IL6ST: variants seen among roughly 807,000 people sequenced by gnomAD.
IL6ST encodes interleukin-6 receptor subunit beta.
A neutral mutation model predicts 91.3 loss-of-function variants in IL6ST; 24 were observed. The ratio of observed to expected loss-of-function variants is 0.26; its 90% CI spans 0.19 to 0.37. The LOEUF is 0.37. Among genes scored for constraint, IL6ST ranks in the 10% least tolerant of loss-of-function variants. The pLI, the probability that IL6ST is intolerant of heterozygous loss-of-function variation, is 1.00. For missense variants in IL6ST, 914 were observed against 1,078.5 expected (o/e 0.85, Z 2.14); for synonymous variants, 351 against 373.6 (o/e 0.94, Z 0.70).
intron 8 of IL6ST, 78 bp from the exon 9 acceptor site, chr5:55,957,369 T>A: frequency 8.3e-6 from 6 of 720,454 alleles, no homozygotes; most frequent in Middle Eastern, 3.4e-4. Flanking sequence ...TTCTTTTACT[T>A]TGTTCTTAAT....
chr5:55,993,837 G>T (rs558481248), intron 1 of IL6ST, among the ~76,000 whole-genome samples: 8 of 152,116 alleles, frequency 5.3e-5, no homozygotes, highest in Admixed American at 1.3e-4. Flanking sequence ...CTAAACTGAT[G>T]ATCTGAGTCC....
intron 2 of IL6ST, among the ~76,000 whole-genome samples, chr5:55,977,782 T>C (rs572393271): frequency 3.3e-5 from 5 of 152,084 alleles, no homozygotes; most frequent in East Asian, 1.9e-4. Flanking sequence ...GCCCAGATCA[T>C]GCCACTGGAC....
At chr5:55,984,154 A>G (rs1215923848) in intron 1 of IL6ST, among the ~76,000 whole-genome samples, 1 of 152,256 alleles carries the variant, frequency 6.6e-6, no homozygotes, top group Non-Finnish European at 1.5e-5. Context: ...GTGCAAAAGC[A>G]GCCATACACA....
intron 5 of IL6ST, among the ~76,000 whole-genome samples, chr5:55,966,115 C>A (rs1402269035): frequency 6.6e-6 from 1 of 152,070 alleles, no homozygotes; most frequent in Non-Finnish European, 1.5e-5. Flanking sequence ...AAACAAAACA[C>A]AGAATACCAT....
At position 55,937,708 on chromosome 5, in the gene IL6ST, C is replaced by T. The variant is rs1750625546; in HGVS notation, c.*3374G>A. 5.2e-6 allele frequency: 1 copy of T among 192,246 alleles called. No homozygotes were observed. The highest frequency in any genetic ancestry group is 8.1e-5 in the East Asian group (1 of 12,368). 11.9% of individuals were successfully genotyped at this position (192,246 alleles called of 1,614,324 possible). ...ATCAGCACAATATAATCTAACAATA[C>T]CTGTAATAGAAAGCTATCCCAGTAA... is the stretch of plus-strand genomic sequence containing the variant. On this transcript the variant is annotated 3_prime_UTR_variant, in exon 17 of 17. Coordinates refer to ENST00000381298, the MANE Select transcript of IL6ST (RefSeq NM_002184.4).
At chr5:55,953,704 A>G (rs910035751) in intron 11 of IL6ST, among the ~76,000 whole-genome samples, 2 of 152,122 alleles carry the variant, frequency 1.3e-5, no homozygotes, top group Admixed American at 1.3e-4. Context: ...AAAAGTTTCT[A>G]TTGGCTCTGA....
At chr5:55,945,677 C>CA (rs1751204727) in intron 15 of IL6ST, among the ~76,000 whole-genome samples, 1 of 5,020 alleles carries the variant, frequency 2.0e-4, no homozygotes, top group Non-Finnish European at 1.1e-3. Context: ...TTTTTTTTTT[C>CA]AGACACTCTG....
chr5:55,952,606 A>T (rs1751704332), intron 11 of IL6ST, among the ~76,000 whole-genome samples: 1 of 152,192 alleles, frequency 6.6e-6, no homozygotes, highest in Non-Finnish European at 1.5e-5. Flanking sequence ...AGAATTTATA[A>T]AACAATGATC....
At chr5:55,987,992 G>A (rs769582037) in intron 1 of IL6ST, among the ~76,000 whole-genome samples, 99 of 152,204 alleles carry the variant, frequency 6.5e-4, no homozygotes, top group African/African-American at 2.2e-3. Context: ...TTAGCTGGTC[G>A]TGGTGGTGGG....
At chr5:55,994,496 G>C (rs1292414801) in intron 1 of IL6ST, among the ~76,000 whole-genome samples, 1 of 152,152 alleles carries the variant, frequency 6.6e-6, no homozygotes, top group Non-Finnish European at 1.5e-5. Flanking sequence ...AGGGGGGTTT[G>C]TTCTTGAAGG....
chr5:55,951,953 T>C lies in IL6ST; in HGVS notation c.1675A>G (p.Arg559Gly). Residue 559 changes from arginine to glycine, a missense_variant, in exon 13 of 17, where the codon AGA (arginine) becomes GGA (glycine). Transcript: ENST00000381298. Reference sequence around the variant, plus strand: ...CCAGTTTCATTTCCAATGATGGTTCTATAAAATATAGTATAATTTCTGATA... The same window carrying C: ...CCAGTTTCATTTCCAATGATGGTTCCATAAAATATAGTATAATTTCTGATA... ...GFIRNYTIFY[R>G]TIIGNETAVN... is the part of the protein sequence containing the mutation. 4.1e-6 allele frequency: 6 copies of C among 1,481,306 alleles called. No individual in the cohort carries two copies. The highest frequency in any genetic ancestry group is 5.6e-6 in the Non-Finnish European group (6 of 1,064,002). 91.8% of individuals were successfully genotyped at this position (1,481,306 alleles called of 1,614,324 possible). A position where few individuals can be genotyped will look rare whatever the true frequency, so the allele number is the denominator to read the frequency against.
intron 2 of IL6ST, 22 bp from the exon 3 acceptor site, chr5:55,976,315 T>C (rs769324411): frequency 2.1e-6 from 3 of 1,418,068 alleles, no homozygotes; most frequent in Non-Finnish European, 2.9e-6. Context: ...ACATGTAATA[T>C]TACTTTTAAT....
At chr5:55,982,541 CAATT>C (rs1317609508) in intron 2 of IL6ST, among the ~76,000 whole-genome samples, 179 bp downstream of exon 2, 2 of 152,034 alleles carry the variant, frequency 1.3e-5, no homozygotes, top group Non-Finnish European at 2.9e-5. Context: ...CCATTAGTAT[CAATT>C]ATGAGTTCAT....
At chr5:55,962,875 G>A (rs1279797065) in intron 7 of IL6ST, among the ~76,000 whole-genome samples, 2 of 152,088 alleles carry the variant, frequency 1.3e-5, no homozygotes, top group African/African-American at 4.8e-5. Context: ...AGCATTTTGG[G>A]AGGCCAAGGT....
At chr5:55,989,632 T>C (rs1452724880) in intron 1 of IL6ST, among the ~76,000 whole-genome samples, 1 of 152,214 alleles carries the variant, frequency 6.6e-6, no homozygotes, top group African/African-American at 2.4e-5. Context: ...CAAGCTTTTA[T>C]TCAATTTTTA....
chr5:55,961,786 C>G (rs1441448126), intron 7 of IL6ST, among the ~76,000 whole-genome samples: 1 of 151,932 alleles, frequency 6.6e-6, no homozygotes, highest in Non-Finnish European at 1.5e-5. Flanking sequence ...CAGCCAGTTC[C>G]TGGAAGGAAG....
Position 55,969,552 on chromosome 5 carries a change from C to A in IL6ST, c.368G>T (p.Gly123Val), listed in dbSNP as rs367755838. 2 of 1,602,054 alleles carry A rather than the reference C, an allele frequency of 1.2e-6. No homozygotes were observed. The highest frequency in any genetic ancestry group is 2.2e-5 in the East Asian group (1 of 44,636). Residue 123 changes from glycine (G) to valine (V), a missense_variant and splice_region_variant, in exon 4 of 17, where the codon GGC becomes GTC. Physicochemically the swap from Gly to Val is moderately radical, Grantham distance 109 (BLOSUM62 -3). Transcript: ENST00000381298. Reference protein sequence around the residue: ...QNVYGITIISGLPPEKPKNLS... With the variant: ...QNVYGITIISVLPPEKPKNLS... ...AATAAGACAAAAACAAAACTTACAG[C>A]CTGAAATTATTGTGATTCCATAAAC...
chr5:55,938,990 T>G lies in IL6ST; in HGVS notation c.*2092A>C. On this transcript the variant is annotated 3_prime_UTR_variant, in exon 17 of 17. Coordinates refer to ENST00000381298, the MANE Select transcript of IL6ST (RefSeq NM_002184.4). ...ATCCTCCATTCTCATTCCTGTAGAT[T>G]AAGAGTTCATATTGTATATCTGACC... 1 of 205,074 alleles carries G rather than the reference T, an allele frequency of 4.9e-6. No homozygotes were observed. Among genetic ancestry groups the G allele is most frequent in the Non-Finnish European group, 1.0e-5 (1 of 100,080 alleles). The allele number at this position is 205,074 out of a possible 1,614,324, so 12.7% of individuals were successfully genotyped here.
chr5:55,983,149 C>T (rs1253653378), intron 1 of IL6ST, among the ~76,000 whole-genome samples: 1 of 152,004 alleles, frequency 6.6e-6, no homozygotes, highest in African/African-American at 2.4e-5. Flanking sequence ...AGAGATGGCA[C>T]CATCATGCCT....
Sources: gnomAD v4.1 joint callset for allele counts (sites outside exome capture counted in the v4.1 genomes callset) on GRCh38, gnomAD v4.1.1 for gene constraint, MANE v1.5 for transcripts, NCBI Gene and HGNC (gene_info 2026-07-23, HGNC 2026-07-21) for gene names.